RADX: variants seen among roughly 807,000 people sequenced by gnomAD.
RADX encodes the protein RPA1 related single stranded DNA binding protein, X-linked.
In RADX, 36 loss-of-function variants were observed where a neutral mutation model predicts 61.6. That is an observed-to-expected ratio of 0.58 (90% CI 0.45 to 0.77). RADX has a LOEUF of 0.77. Ranked by LOEUF, RADX falls within the 30% of genes least tolerant of loss-of-function variation. The pLI, the probability that RADX is intolerant of heterozygous loss-of-function variation, is 0.00. For synonymous variants in RADX, 272 were observed against 237.9 expected (o/e 1.14, Z -1.32); for missense variants, 497 against 651.1 (o/e 0.76, Z 2.58).
chrX:106,667,006 G>A (rs1040182542), intron 12 of RADX, among the ~76,000 whole-genome samples: 4 of 112,397 alleles, frequency 3.6e-5, no homozygotes, highest in African/African-American at 1.3e-4. Flanking sequence ...GCTACTGTGT[G>A]CCTAGCACTC....
intron 11 of RADX, among the ~76,000 whole-genome samples, chrX:106,652,801 G>A (rs1360573315): frequency 9.3e-6 from 1 of 107,841 alleles, no homozygotes; most frequent in Non-Finnish European, 1.9e-5. Flanking sequence ...AGTCACAAAG[G>A]ATCAAAGACA....
chrX:106,655,116 T>C (rs1927904414), intron 11 of RADX, among the ~76,000 whole-genome samples: 1 of 110,996 alleles, frequency 9.0e-6, no homozygotes, highest in Non-Finnish European at 1.9e-5. Flanking sequence ...TCAGTACATA[T>C]AAAAGTTATG....
intron 1 of RADX, among the ~76,000 whole-genome samples, chrX:106,616,481 T>G (rs1273294126): frequency 1.8e-5 from 2 of 112,238 alleles, no homozygotes; most frequent in Non-Finnish European, 3.8e-5. Context: ...ACTACTTTCT[T>G]GAGTTAAATG....
intron 1 of RADX, among the ~76,000 whole-genome samples, chrX:106,619,974 C>T (rs1435577443): frequency 9.0e-6 from 1 of 111,452 alleles, no homozygotes; most frequent in Non-Finnish European, 1.9e-5. Flanking sequence ...ATGATTTTTA[C>T]GGTATGGTCC....
intron 11 of RADX, among the ~76,000 whole-genome samples, chrX:106,652,011 A>ATC (rs1224931183): frequency 2.9e-5 from 3 of 105,098 alleles, no homozygotes; most frequent in African/African-American, 1.2e-4. Flanking sequence ...ATGGGACTCC[A>ATC]TCTCTCTCTT....
intron 3 of RADX, 44 bp from the exon 4 acceptor site, chrX:106,632,581 G>A (rs1440945713): frequency 1.2e-6 from 1 of 860,955 alleles, no homozygotes; most frequent in South Asian, 2.5e-5. Flanking sequence ...ATATTCTTTG[G>A]TGTGTATTAA....
At chrX:106,671,879 A>G (rs1046964519) in intron 13 of RADX, among the ~76,000 whole-genome samples, 2 of 111,789 alleles carry the variant, frequency 1.8e-5, no homozygotes, top group African/African-American at 6.5e-5. Flanking sequence ...TTTGCATATT[A>G]AAGAAATTAA....
intron 11 of RADX, among the ~76,000 whole-genome samples, chrX:106,659,982 T>C (rs962412008): frequency 3.6e-5 from 4 of 112,040 alleles, no homozygotes; most frequent in Admixed American, 1.9e-4. Context: ...AAAATTAGAA[T>C]AGCATATCAC....
intron 2 of RADX, 144 bp downstream of exon 2, chrX:106,622,937 T>G: frequency 2.8e-6 from 1 of 358,061 alleles, no homozygotes. Context: ...TAAATGTATA[T>G]TATAAAGTAT....
intron 7 of RADX, among the ~76,000 whole-genome samples, chrX:106,637,483 G>A (rs2147622452): frequency 8.9e-6 from 1 of 111,874 alleles, no homozygotes; most frequent in African/African-American, 3.2e-5. Context: ...CAAATTATTA[G>A]TTTTTCTTCT....
At chrX:106,632,836 A>G (rs983250178) in intron 4 of RADX, 96 bp from the exon 5 acceptor site, 8 of 929,748 alleles carry the variant, frequency 8.6e-6, no homozygotes, top group African/African-American at 8.2e-5. Flanking sequence ...GAATTAAGCT[A>G]TAGCAATTAT....
At chrX:106,637,684 A>G in intron 7 of RADX, 76 bp from the exon 8 acceptor site, 3 of 915,499 alleles carry the variant, frequency 3.3e-6, no homozygotes, top group Non-Finnish European at 4.5e-6. Context: ...CTGTTTTTAC[A>G]CAAAAATTTG....
At chrX:106,620,342 C>A (rs980901604) in intron 1 of RADX, among the ~76,000 whole-genome samples, 50 of 109,028 alleles carry the variant, frequency 4.6e-4, no homozygotes, top group African/African-American at 1.8e-3. Flanking sequence ...ATGAATTGAT[C>A]ATTTAAAAAA....
At chrX:106,675,161 A>T (rs1928476171) in intron 13 of RADX, among the ~76,000 whole-genome samples, 2 of 112,261 alleles carry the variant, frequency 1.8e-5, no homozygotes, top group Non-Finnish European at 3.8e-5. Context: ...AAGTCCAAGG[A>T]TATCATTTTG....
intron 1 of RADX, among the ~76,000 whole-genome samples, chrX:106,618,824 C>G (rs1050558027): frequency 3.6e-5 from 4 of 110,995 alleles, no homozygotes; most frequent in Non-Finnish European, 7.6e-5. Flanking sequence ...AAGAGAACCA[C>G]TGGCCTTAGT....
intron 13 of RADX, among the ~76,000 whole-genome samples, chrX:106,669,612 G>T (rs1928317833): frequency 9.0e-6 from 1 of 111,525 alleles, no homozygotes; most frequent in Non-Finnish European, 1.9e-5. Context: ...TATGCACATG[G>T]AACAGTACAA....
At chrX:106,635,201 A>G (rs1284790546) in intron 6 of RADX, among the ~76,000 whole-genome samples, 1 of 111,245 alleles carries the variant, frequency 9.0e-6, no homozygotes, top group Admixed American at 9.6e-5. Context: ...TTTACCATGT[A>G]CCAGATGCTT....
intron 11 of RADX, among the ~76,000 whole-genome samples, chrX:106,651,556 A>T (rs1343018596): frequency 9.0e-6 from 1 of 111,590 alleles, no homozygotes; most frequent in African/African-American, 3.2e-5. Flanking sequence ...ATAAATAAAT[A>T]TATGCAGTAG....
At chrX:106,622,879 G>A (rs1311942271) in intron 2 of RADX, 86 bp downstream of exon 2, 13 of 471,301 alleles carry the variant, frequency 2.8e-5, no homozygotes, top group East Asian at 8.8e-5. Context: ...TAACCTGTTC[G>A]TTTAAATAAC....
Sources: gnomAD v4.1 joint callset for allele counts (sites outside exome capture counted in the v4.1 genomes callset) on GRCh38, gnomAD v4.1.1 for gene constraint, MANE v1.5 for transcripts, NCBI Gene and HGNC (gene_info 2026-07-23, HGNC 2026-07-21) for gene names.